Variants in KIR2DL1 observed in about 807,000 individuals in gnomAD.
KIR2DL1 encodes the protein killer cell immunoglobulin-like receptor 2DL1.
In KIR2DL1, 38 loss-of-function variants were observed where a neutral mutation model predicts 33.9. The ratio of observed to expected loss-of-function variants is 1.12; its 90% CI spans 0.86 to 1.47. The LOEUF (loss-of-function observed/expected upper bound fraction) is 1.47, where lower values mean the gene tolerates loss of function less well. Among genes scored for constraint, KIR2DL1 ranks in the 40% most tolerant of loss-of-function variants. The pLI is 0.00. For missense variants in KIR2DL1, 531 were observed against 433.9 expected, an observed-to-expected ratio of 1.22 and a Z score of -1.99; for synonymous variants, 179 against 165.9, an observed-to-expected ratio of 1.08 and a Z score of -0.61.
In KIR2DL1 at chr19:54,778,599, T is replaced by G. The variant is rs755692210; in HGVS notation, c.665-13T>G. 10 of 1,540,276 alleles carry G rather than the reference T, an allele frequency of 6.5e-6. No individual in the cohort carries two copies. In the South Asian group the frequency reaches 1.0e-4, roughly 16 times the overall value. ...CCCTCATTTCCTCACCTCTCTCCTGTCTCATGTTCTAGGAAACCCTTCAAA... is the reference window on the plus strand; with the variant it reads ...CCCTCATTTCCTCACCTCTCTCCTGGCTCATGTTCTAGGAAACCCTTCAAA... On this transcript the variant is annotated splice_polypyrimidine_tract_variant and intron_variant, in intron 4 of 7. Coordinates refer to ENST00000336077, the MANE Select transcript of KIR2DL1 (RefSeq NM_014218.3).
At chr19:54,779,508 T>G (rs1174232815) in intron 5 of KIR2DL1, among the ~76,000 whole-genome samples, 3 of 145,886 alleles carry the variant, frequency 2.1e-5, no homozygotes, top group South Asian at 2.2e-4. Context: ...TTTCTCTGAG[T>G]GCTGCTCTCC....
chr19:54,782,000 G>T lies in KIR2DL1; in HGVS notation c.716-922G>T, dbSNP rs2569670. On this transcript the variant is annotated intron_variant, in intron 5 of 7. Coordinates refer to ENST00000336077, the MANE Select transcript of KIR2DL1 (RefSeq NM_014218.3). ...GGGAGACAGAACACACAGAGAATAC[G>T]TTACATAGGCAGGTTCATTACTAAC... 6.6e-5 allele frequency among the ~76,000 whole-genome samples: 10 copies of T among 151,406 alleles called. No homozygotes were observed. The East Asian group carries it at 9.8e-4, about 15-fold the overall frequency.
rs562157977 is a variant in KIR2DL1, at chr19:54,771,452, G to A, written c.70+568G>A. On this transcript the variant is annotated intron_variant, in intron 2 of 7. Coordinates refer to ENST00000336077, the MANE Select transcript of KIR2DL1 (RefSeq NM_014218.3). The stretch of plus-strand genomic sequence containing the variant: ...TCAGCTGACACTTTTGTTGTAGGGA[G>A]ACACCTTGTGTTTGCGGGATGGGTC... Among the ~76,000 whole-genome samples, 98 of 148,092 alleles carry A rather than the reference G, an allele frequency of 6.6e-4. 8 individuals carry two copies. The highest frequency in any genetic ancestry group is 2.2e-3 in the African/African-American group (91 of 40,574).
intron 2 of KIR2DL1, among the ~76,000 whole-genome samples, chr19:54,772,010 G>T (rs2075787363): frequency 2.0e-5 from 3 of 147,552 alleles, no homozygotes; most frequent in African/African-American, 7.4e-5. Context: ...GGGGTAAAGG[G>T]GGATTGAATA....
rs764431762 is a variant in KIR2DL1 at position 54,778,589 on chromosome 19, C to T, written c.665-23C>T. On this transcript the variant is annotated intron_variant, in intron 4 of 7. Transcript: ENST00000336077. ...AGGACAGACACCCTCATTTCCTCACCTCTCTCCTGTCTCATGTTCTAGGAA... is the reference window on the plus strand; with the variant it reads ...AGGACAGACACCCTCATTTCCTCACTTCTCTCCTGTCTCATGTTCTAGGAA... 3.9e-6 allele frequency: 6 copies of T among 1,525,172 alleles called. No individual in the cohort carries two copies. The Admixed American group carries it at 5.2e-5, about 13-fold the overall frequency. The allele number at this position is 1,525,172 out of a possible 1,614,324, so 94.5% of individuals were successfully genotyped here. A position where few individuals can be genotyped will look rare whatever the true frequency, so the allele number is the denominator to read the frequency against.
Position 54,773,462 on chromosome 19 carries a change from A to G in KIR2DL1, c.200A>G (p.Asn67Ser), listed in dbSNP as rs1476035780. 6.3e-7 allele frequency: 1 copy of G among 1,588,168 alleles called. No individual in the cohort carries two copies. ...HFLLHREGMF[N>S]DTLRLIGEHH... ...CTTCTGCACAGAGAGGGGATGTTTAACGACACTTTGCGCCTCATTGGAGAA... is the reference window on the plus strand; with the variant it reads ...CTTCTGCACAGAGAGGGGATGTTTAGCGACACTTTGCGCCTCATTGGAGAA... The change falls in exon 3 of 8, where the codon AAC becomes AGC. Residue 67 changes from asparagine to serine, a missense_variant. Physicochemically the swap from Asn to Ser is conservative, Grantham distance 46. Coordinates refer to ENST00000336077, the MANE Select transcript of KIR2DL1 (RefSeq NM_014218.3).
At chr19:54,776,625 G>A (rs1210763669) in intron 4 of KIR2DL1, among the ~76,000 whole-genome samples, 2 of 133,698 alleles carry the variant, frequency 1.5e-5, no homozygotes, top group African/African-American at 2.8e-5. Flanking sequence ...TGGATACTAT[G>A]AAAGTTCTCT....
intron 4 of KIR2DL1, among the ~76,000 whole-genome samples, chr19:54,776,634 C>CTTTTTTTT (rs113294942): frequency 7.8e-6 from 1 of 128,314 alleles, no homozygotes; most frequent in Non-Finnish European, 1.7e-5. Flanking sequence ...TGAAAGTTCT[C>CTTTTTTTT]TTTTTTTTTT....
chr19:54,777,573 C>G (rs1191031181), intron 4 of KIR2DL1, among the ~76,000 whole-genome samples: 1 of 149,140 alleles, frequency 6.7e-6, no homozygotes, highest in Non-Finnish European at 1.5e-5. Context: ...AGTTATTAAT[C>G]CCATCTCAGA....
intron 5 of KIR2DL1, among the ~76,000 whole-genome samples, chr19:54,781,057 C>T: frequency 1.1e-5 from 1 of 91,304 alleles, no homozygotes; most frequent in Non-Finnish European, 2.2e-5. Flanking sequence ...CCCTGTAATC[C>T]CAGCTCCTAT....
At position 54,777,379 on chromosome 19, in the gene KIR2DL1, C is replaced by T. The variant is rs146869153; in HGVS notation, c.665-1233C>T. On this transcript the variant is annotated intron_variant, in intron 4 of 7. Coordinates refer to ENST00000336077, the MANE Select transcript of KIR2DL1 (RefSeq NM_014218.3). ...GTTCTAGGATGACACAAGTGAGCCA[C>T]CTCACCCGGCCTAAAAGCCATTTTA... Among the ~76,000 whole-genome samples the T allele has an allele frequency of 2.0e-3, 292 of 148,340 alleles. 8 individuals are homozygous for T. Among genetic ancestry groups the T allele is most frequent in the Middle Eastern group, 3.4e-3 (1 of 290 alleles).
rs1418227283 is a variant in KIR2DL1 at position 54,770,573 on chromosome 19, G to A, written c.35-276G>A. Among the ~76,000 whole-genome samples the A allele has an allele frequency of 7.0e-5, 10 of 143,580 alleles. 1 individual carries two copies. Among genetic ancestry groups the A allele is most frequent in the Non-Finnish European group, 1.1e-4 (7 of 64,462 alleles). The allele number at this position is 143,580 out of a possible 152,430, so 94.2% of individuals were successfully genotyped here. A position where few individuals can be genotyped will look rare whatever the true frequency, so the allele number is the denominator to read the frequency against. ...ATCTGAGCCTGGATTGGAGATATGG[G>A]CCTGGATTGGCGATATGGGCTTAGG... On this transcript the variant is annotated intron_variant, in intron 1 of 7. Transcript: ENST00000336077.
Position 54,773,551 on chromosome 19 carries a change from A to T in KIR2DL1, c.289A>T (p.Thr97Ser). Residue 97 changes from threonine (T) to serine (S), a missense_variant, in exon 3 of 8, where the codon ACC becomes TCC. Transcript: ENST00000336077. ...ISRMTQDLAG[T>S]YRCYGSVTHS... Reference sequence around the variant, plus strand: ...TCGCATGACGCAAGACCTGGCAGGGACCTACAGATGCTACGGTTCTGTTAC... The same window carrying T: ...TCGCATGACGCAAGACCTGGCAGGGTCCTACAGATGCTACGGTTCTGTTAC... The T allele has an allele frequency of 1.3e-6, 2 of 1,582,722 alleles. No homozygotes were observed. Among genetic ancestry groups the T allele is most frequent in the South Asian group, 2.2e-5 (2 of 90,190 alleles).
Position 54,770,740 on chromosome 19 carries a change from C to T in KIR2DL1, c.35-109C>T, listed in dbSNP as rs1447716406. 20 of 1,447,376 alleles carry T rather than the reference C, an allele frequency of 1.4e-5. 1 individual carries two copies. Among genetic ancestry groups the T allele is most frequent in the Non-Finnish European group, 1.9e-5 (20 of 1,034,916 alleles). The allele number at this position is 1,447,376 out of a possible 1,614,324, so 89.7% of individuals were successfully genotyped here. ...CAGGTAGGCACTGAGGGTGAGTTTA[C>T]CTTCAGCCCAGGAAGGGCCTGGCTA... On this transcript the variant is annotated intron_variant, in intron 1 of 7. Coordinates refer to ENST00000336077, the MANE Select transcript of KIR2DL1 (RefSeq NM_014218.3).
At position 54,784,156 on chromosome 19, in the gene KIR2DL1, G is replaced by A; in HGVS notation, c.*343G>A. On this transcript the variant is annotated 3_prime_UTR_variant, in exon 8 of 8. Transcript: ENST00000336077. ...ACTCACAATTCCAAACATACAAGAG[G>A]CTCCCTCTTAACGCAGCACTTAGAC... The A allele has an allele frequency of 4.1e-6, 2 of 489,478 alleles. No homozygotes were observed. The highest frequency in any genetic ancestry group is 7.7e-5 in the East Asian group (2 of 25,868). 30.3% of individuals were successfully genotyped at this position (489,478 alleles called of 1,614,324 possible).
rs1296163141 is a variant in KIR2DL1, at chr19:54,772,359, C to T, written c.71-974C>T. Among the ~76,000 whole-genome samples the T allele has an allele frequency of 1.4e-5, 2 of 147,512 alleles. 1 individual carries two copies. Among genetic ancestry groups the T allele is most frequent in the African/African-American group, 5.0e-5 (2 of 40,322 alleles). Reference sequence around the variant, plus strand: ...TGGAAAAGTCAAGGAACTGATTCTCCTGAGTCTCCAGAGGGAACGAAGCCC... The same window carrying T: ...TGGAAAAGTCAAGGAACTGATTCTCTTGAGTCTCCAGAGGGAACGAAGCCC... On this transcript the variant is annotated intron_variant, in intron 2 of 7. Coordinates refer to ENST00000336077, the MANE Select transcript of KIR2DL1 (RefSeq NM_014218.3).
At position 54,775,919 on chromosome 19, in the gene KIR2DL1, T is replaced by A. The variant is rs1413948788; in HGVS notation, c.664+461T>A. On this transcript the variant is annotated intron_variant, in intron 4 of 7. Transcript: ENST00000336077. ...TTTAACATTTTTTTTTGAGGTGGAG[T>A]CTAGCTCTGTCCCCTATGATGGAGT... 4.2e-5 allele frequency among the ~76,000 whole-genome samples: 6 copies of A among 143,720 alleles called. 3 individuals carry two copies. The highest frequency in any genetic ancestry group is 9.3e-5 in the Non-Finnish European group (6 of 64,246). 94.3% of individuals were successfully genotyped at this position (143,720 alleles called of 152,430 possible).
At position 54,775,214 on chromosome 19, in the gene KIR2DL1, G is replaced by A; in HGVS notation, c.420G>A (p.Leu140=). The A allele has an allele frequency of 6.2e-7, 1 of 1,600,932 alleles. No homozygotes were observed. Among genetic ancestry groups the A allele is most frequent in the Admixed American group, 1.7e-5 (1 of 59,212 alleles). Residue 140 remains leucine, a synonymous_variant, in exon 4 of 8, where the codon CTG becomes CTA. Transcript: ENST00000336077. The part of the protein sequence containing the change: ...SLSAQLGPTV[L]AGENVTLSCS... ...CAGCCCAGCTGGGCCCCACGGTTCT[G>A]GCAGGAGAGAATGTGACCTTGTCCT...
At chr19:54,779,316 A>C (rs1259674855) in intron 5 of KIR2DL1, among the ~76,000 whole-genome samples, 1 of 149,004 alleles carries the variant, frequency 6.7e-6, no homozygotes, top group Non-Finnish European at 1.5e-5. Flanking sequence ...GCTAAAATCA[A>C]GGTGACAGCA....
Sources: allele counts gnomAD v4.1 joint callset (sites outside exome capture counted in the v4.1 genomes callset), GRCh38; gene constraint gnomAD v4.1.1; transcripts MANE v1.5; gene names NCBI Gene and HGNC (gene_info 2026-07-23, HGNC 2026-07-21).